The following EXOSC6 variants were observed in gnomAD, a reference collection of about 807,000 sequenced individuals.
EXOSC6 encodes the protein exosome component 6.
Under a neutral mutation model 16.7 loss-of-function variants are expected in EXOSC6, and 21 were observed. The ratio of observed to expected loss-of-function variants is 1.26; its 90% CI spans 0.89 to 1.82. EXOSC6 has a LOEUF of 1.82. Ranked by LOEUF, EXOSC6 falls within the 40% of genes most tolerant of loss-of-function variation. The pLI is 0.00. For missense variants in EXOSC6, 538 were observed against 415.7 expected, an observed-to-expected ratio of 1.29 and a Z score of -2.56; for synonymous variants, 297 against 217.1, an observed-to-expected ratio of 1.37 and a Z score of -3.24.
At position 70,251,173 on chromosome 16, in the gene EXOSC6, A is replaced by C. The variant is rs1047341591; in HGVS notation, c.728T>G (p.Leu243Arg). The change falls in exon 1 of 1, where the codon CTG becomes CGG. Residue 243 changes from leucine (L) to arginine (R), a missense_variant. Transcript: ENST00000435634. ...GAGGCGCTGGCAGCCCTCGAGGCCC[A>C]GGCGTACGGCCTCCGCCCAGCTCTC... ...LTESWAEAVR[L>R]GLEGCQRLYP... 14 of 1,528,512 alleles carry C rather than the reference A, an allele frequency of 9.2e-6. No homozygotes were observed. Among genetic ancestry groups the C allele is most frequent in the Non-Finnish European group, 1.2e-5 (14 of 1,147,268 alleles). 94.7% of individuals were successfully genotyped at this position (1,528,512 alleles called of 1,614,324 possible). A position where few individuals can be genotyped will look rare whatever the true frequency, so the allele number is the denominator to read the frequency against.
chr16:70,251,628 C>T lies in EXOSC6; in HGVS notation c.273G>A (p.Ala91=), dbSNP rs1426851419. The change falls in exon 1 of 1, where the codon GCG becomes GCA. Residue 91 remains alanine (A), a synonymous_variant. Coordinates refer to ENST00000435634, the MANE Select transcript of EXOSC6 (RefSeq NM_058219.3). ...PAGAGGEAPA[A]LRGRLLCDFR... is the part of the protein sequence containing the mutation. ...AGTCGCAGAGCAGGCGACCGCGCAG[C>T]GCGGCCGGGGCCTCGCCGCCTGCTC... The T allele has an allele frequency of 3.7e-6, 4 of 1,085,540 alleles. No homozygotes were observed. The highest frequency in any genetic ancestry group is 1.1e-4 in the Admixed American group (2 of 19,004). 67.2% of individuals were successfully genotyped at this position (1,085,540 alleles called of 1,614,324 possible).
rs1216309113 is a variant in EXOSC6 at position 70,251,797 on chromosome 16, C to T, written c.104G>A (p.Arg35Gln). The part of the protein sequence containing the change: ...EEAPGTRDPT[R>Q]LRPVYARAGL... ...GGCGCGCGCGTACACGGGCCGTAGCCGCGTTGGGTCGCGGGTGCCGGGCGC... is the reference window on the plus strand; with the variant it reads ...GGCGCGCGCGTACACGGGCCGTAGCTGCGTTGGGTCGCGGGTGCCGGGCGC... Residue 35 changes from arginine to glutamine, a missense_variant, in exon 1 of 1, where the codon CGG becomes CAG. Arg to Gln is a conservative substitution (Grantham distance 43). Coordinates refer to ENST00000435634, the MANE Select transcript of EXOSC6 (RefSeq NM_058219.3). 3 of 1,504,518 alleles carry T rather than the reference C, an allele frequency of 2.0e-6. No individual in the cohort carries two copies. The highest frequency in any genetic ancestry group is 1.4e-5 in the African/African-American group (1 of 69,244). The allele number at this position is 1,504,518 out of a possible 1,614,324, so 93.2% of individuals were successfully genotyped here.
Position 70,251,562 on chromosome 16 carries a change from G to C in EXOSC6, c.339C>G (p.Pro113=), listed in dbSNP as rs1959821395. 2 of 1,143,724 alleles carry C rather than the reference G, an allele frequency of 1.7e-6. No homozygotes were observed. The highest frequency in any genetic ancestry group is 3.3e-5 in the African/African-American group (2 of 60,876). 70.8% of individuals were successfully genotyped at this position (1,143,724 alleles called of 1,614,324 possible). ...GCTCACGCTCCTCGCAGCCGCCCGG[G>C]GGAGCGCGGCGCCGGCGGCCCGCGA... The part of the protein sequence containing the change: ...APFAGRRRRA[P]PGGCEERELA... The change falls in exon 1 of 1, where the codon CCC becomes CCG. Residue 113 remains proline, a synonymous_variant. Transcript: ENST00000435634.
At position 70,248,743 on chromosome 16, in the gene EXOSC6, T is replaced by C. The variant is rs1959741399; in HGVS notation, c.*2339A>G. The C allele has an allele frequency of 6.6e-6, 1 of 150,580 alleles. No individual in the cohort carries two copies. The highest frequency in any genetic ancestry group is 2.4e-5 in the African/African-American group (1 of 40,944). 9.3% of individuals were successfully genotyped at this position (150,580 alleles called of 1,614,324 possible). A position where few individuals can be genotyped will look rare whatever the true frequency, so the allele number is the denominator to read the frequency against. On this transcript the variant is annotated 3_prime_UTR_variant, in exon 1 of 1. Transcript: ENST00000435634. ...TCAAGTAGCTGGGACTACAGGTGCA[T>C]ACCACCATGCCTGACTTATTTTTTT...
In EXOSC6 at chr16:70,247,798, T is replaced by C. The variant is rs917542011; in HGVS notation, c.*3284A>G. On this transcript the variant is annotated 3_prime_UTR_variant, in exon 1 of 1. Transcript: ENST00000435634. ...GGCTGGGTGCAGTGGCTCACACCTG[T>C]AACCCCAGCACTTTGGGAGGACGAG... The C allele has an allele frequency of 7.9e-5, 12 of 152,238 alleles. No homozygotes were observed. The highest frequency in any genetic ancestry group is 2.9e-4 in the African/African-American group (12 of 41,450). The allele number at this position is 152,238 out of a possible 1,614,324, so 9.4% of individuals were successfully genotyped here.
In EXOSC6 at chr16:70,251,245, A is replaced by T; in HGVS notation, c.656T>A (p.Leu219Gln). Residue 219 changes from leucine (L) to glutamine (Q), a missense_variant, in exon 1 of 1, where the codon CTG becomes CAG. Physicochemically the swap from Leu to Gln is moderately radical, Grantham distance 113. Transcript: ENST00000435634. ...GCCCAGCAGCCCGGCCACCTGATTC[A>T]GCACAGGCATGAGCGCCACGGTGAG... ...AGLTVALMPV[L>Q]NQVAGLLGSG... 6.7e-7 allele frequency: 1 copy of T among 1,498,164 alleles called. No individual in the cohort carries two copies. The allele number at this position is 1,498,164 out of a possible 1,614,324, so 92.8% of individuals were successfully genotyped here. A position where few individuals can be genotyped will look rare whatever the true frequency, so the allele number is the denominator to read the frequency against.
In EXOSC6 at chr16:70,248,487, T is replaced by C. The variant is rs537086178; in HGVS notation, c.*2595A>G. ...ATTTTCACAAGAGCTGGGAAAATGT[T>C]CATAATTATGCATGCAGAATAAGCC... On this transcript the variant is annotated 3_prime_UTR_variant, in exon 1 of 1. Coordinates refer to ENST00000435634, the MANE Select transcript of EXOSC6 (RefSeq NM_058219.3). 11 of 152,304 alleles carry C rather than the reference T, an allele frequency of 7.2e-5. No homozygotes were observed. The highest frequency in any genetic ancestry group is 2.9e-5 in the Non-Finnish European group (2 of 68,018). 9.4% of individuals were successfully genotyped at this position (152,304 alleles called of 1,614,324 possible).
chr16:70,251,223 C>T lies in EXOSC6; in HGVS notation c.678G>A (p.Leu226=), dbSNP rs758712071. ...CTGTCAGGCCGCCCTCGCCGCTGCC[C>T]AGCAGCCCGGCCACCTGATTCAGCA... ...MPVLNQVAGL[L]GSGEGGLTES... is the part of the protein sequence containing the mutation. The change falls in exon 1 of 1, where the codon CTG becomes CTA. Residue 226 remains leucine (L), a synonymous_variant. Coordinates refer to ENST00000435634, the MANE Select transcript of EXOSC6 (RefSeq NM_058219.3). The T allele has an allele frequency of 4.3e-5, 65 of 1,507,300 alleles. No individual in the cohort carries two copies. The Middle Eastern group carries it at 9.4e-4, about 22-fold the overall frequency. The allele number at this position is 1,507,300 out of a possible 1,614,324, so 93.4% of individuals were successfully genotyped here.
At position 70,250,814 on chromosome 16, in the gene EXOSC6, T is replaced by G; in HGVS notation, c.*268A>C. On this transcript the variant is annotated 3_prime_UTR_variant, in exon 1 of 1. Transcript: ENST00000435634. ...TTTGAGACTGCAGAAAGAAACCCTG[T>G]CTCTAAAAAAAAGGTCCAGGTAATT... The G allele has an allele frequency of 2.6e-6, 1 of 388,184 alleles. No individual in the cohort carries two copies. The highest frequency in any genetic ancestry group is 4.5e-6 in the Non-Finnish European group (1 of 220,464). 24.0% of individuals were successfully genotyped at this position (388,184 alleles called of 1,614,324 possible). A position where few individuals can be genotyped will look rare whatever the true frequency, so the allele number is the denominator to read the frequency against.
In EXOSC6 at chr16:70,248,252, C is replaced by T. The variant is rs970674567; in HGVS notation, c.*2830G>A. The T allele has an allele frequency of 6.6e-6, 1 of 151,990 alleles. No homozygotes were observed. Among genetic ancestry groups the T allele is most frequent in the African/African-American group, 2.4e-5 (1 of 41,380 alleles). The allele number at this position is 151,990 out of a possible 1,614,324, so 9.4% of individuals were successfully genotyped here. On this transcript the variant is annotated 3_prime_UTR_variant, in exon 1 of 1. Coordinates refer to ENST00000435634, the MANE Select transcript of EXOSC6 (RefSeq NM_058219.3). ...TATTCTTGTTATACAGAAGAAAAAC[C>T]TTATTCTTGGGAGATGCAAACTAAA...
At position 70,248,064 on chromosome 16, in the gene EXOSC6, G is replaced by C. The variant is rs1173825248; in HGVS notation, c.*3018C>G. 3 of 151,896 alleles carry C rather than the reference G, an allele frequency of 2.0e-5. No individual in the cohort carries two copies. Among genetic ancestry groups the C allele is most frequent in the Non-Finnish European group, 4.4e-5 (3 of 67,980 alleles). 9.4% of individuals were successfully genotyped at this position (151,896 alleles called of 1,614,324 possible). A position where few individuals can be genotyped will look rare whatever the true frequency, so the allele number is the denominator to read the frequency against. ...AGCAAGATTTCGTCTCAAAAAAAAA[G>C]AGAAAAAGAAAACCATTATTTTGCA... On this transcript the variant is annotated 3_prime_UTR_variant, in exon 1 of 1. Coordinates refer to ENST00000435634, the MANE Select transcript of EXOSC6 (RefSeq NM_058219.3).
rs1959795837 is a variant in EXOSC6, at chr16:70,250,796, C to T, written c.*286G>A. 2.8e-6 allele frequency: 1 copy of T among 352,982 alleles called. No individual in the cohort carries two copies. Among genetic ancestry groups the T allele is most frequent in the East Asian group, 4.4e-5 (1 of 22,864 alleles). 21.9% of individuals were successfully genotyped at this position (352,982 alleles called of 1,614,324 possible). A position where few individuals can be genotyped will look rare whatever the true frequency, so the allele number is the denominator to read the frequency against. On this transcript the variant is annotated 3_prime_UTR_variant, in exon 1 of 1. Transcript: ENST00000435634. ...ATCAATCAAGGCTAGGAGTTTGAGACTGCAGAAAGAAACCCTGTCTCTAAA... is the reference window on the plus strand; with the variant it reads ...ATCAATCAAGGCTAGGAGTTTGAGATTGCAGAAAGAAACCCTGTCTCTAAA...
rs975612594 is a variant in EXOSC6 at position 70,251,720 on chromosome 16, T to C, written c.181A>G (p.Lys61Glu). 9 of 1,390,516 alleles carry C rather than the reference T, an allele frequency of 6.5e-6. No homozygotes were observed. The Admixed American group carries it at 2.6e-4, about 40-fold the overall frequency. The allele number at this position is 1,390,516 out of a possible 1,614,324, so 86.1% of individuals were successfully genotyped here. ...GSAYLEAGGTKVLCAVSGPRQ... is the reference protein window; with the variant it reads ...GSAYLEAGGTEVLCAVSGPRQ... ...GGGCCCGACACGGCACACAGCACCT[T>C]GGTGCCTCCCGCCTCCAGGTAGGCC... is the stretch of plus-strand genomic sequence containing the variant. The change falls in exon 1 of 1, where the codon AAG (lysine) becomes GAG (glutamate). Residue 61 changes from lysine to glutamate, a missense_variant. Transcript: ENST00000435634.
At position 70,251,916 on chromosome 16, in the gene EXOSC6, G is replaced by GCGAA; in HGVS notation, c.-20_-17dup. 1 of 1,498,106 alleles carries GCGAA rather than the reference G, an allele frequency of 6.7e-7. No individual in the cohort carries two copies. Among genetic ancestry groups the GCGAA allele is most frequent in the South Asian group, 1.2e-5 (1 of 80,502 alleles). The allele number at this position is 1,498,106 out of a possible 1,614,324, so 92.8% of individuals were successfully genotyped here. A position where few individuals can be genotyped will look rare whatever the true frequency, so the allele number is the denominator to read the frequency against. On this transcript the variant is annotated 5_prime_UTR_variant, in exon 1 of 1. Coordinates refer to ENST00000435634, the MANE Select transcript of EXOSC6 (RefSeq NM_058219.3). The stretch of plus-strand genomic sequence containing the variant: ...CCCCAGGCATGGCGGTTCTTGGCGT[G>GCGAA]CGAACCCCTTCCGCCCAACGCCCTG...
In EXOSC6 at chr16:70,251,097, GGCGCCCCTGCGGCGGGCGGCCC is replaced by G; in HGVS notation, c.782_803del (p.Arg261ProfsTer10). 6.7e-7 allele frequency: 1 copy of G among 1,483,938 alleles called. No homozygotes were observed. Among genetic ancestry groups the G allele is most frequent in the Non-Finnish European group, 8.8e-7 (1 of 1,130,688 alleles). 91.9% of individuals were successfully genotyped at this position (1,483,938 alleles called of 1,614,324 possible). A position where few individuals can be genotyped will look rare whatever the true frequency, so the allele number is the denominator to read the frequency against. ...GGCTTCTGGTTCAGGGCTGGGCGGC[GGCGCCCCTGCGGCGGGCGGCCC>G]GCACCAGGCTCTGCTGCAGCACGGG... On this transcript the variant is annotated frameshift_variant, in exon 1 of 1. Coordinates refer to ENST00000435634, the MANE Select transcript of EXOSC6 (RefSeq NM_058219.3). LOFTEE classifies it high-confidence loss of function.
chr16:70,251,008 G>A lies in EXOSC6; in HGVS notation c.*74C>T, dbSNP rs1202710044. On this transcript the variant is annotated 3_prime_UTR_variant, in exon 1 of 1. Transcript: ENST00000435634. ...GAATTCTCGACGCAAACTGGAGGCC[G>A]ATGGCGCGGGTCTTTTCGTGGACGG... 8.5e-6 allele frequency: 12 copies of A among 1,416,422 alleles called. No homozygotes were observed. The highest frequency in any genetic ancestry group is 3.0e-5 in the African/African-American group (2 of 66,756). 87.7% of individuals were successfully genotyped at this position (1,416,422 alleles called of 1,614,324 possible).
In EXOSC6 at chr16:70,251,882, G is replaced by C. The variant is rs753994231; in HGVS notation, c.19C>G (p.Arg7Gly). MPGDHR[R>G]IRGPEESQPP... ...TGCGATTCTTCAGGGCCGCGGATGC[G>C]GCGGTGATCCCCAGGCATGGCGGTT... is the stretch of plus-strand genomic sequence containing the variant. Residue 7 changes from arginine (R) to glycine (G), a missense_variant, in exon 1 of 1, where the codon CGC (arginine) becomes GGC (glycine). Arg to Gly is a moderately radical substitution (Grantham distance 125). Transcript: ENST00000435634. The C allele has an allele frequency of 5.0e-5, 77 of 1,546,504 alleles. No individual in the cohort carries two copies. In the East Asian group the frequency reaches 2.0e-3, roughly 40 times the overall value.
At position 70,249,032 on chromosome 16, in the gene EXOSC6, A is replaced by C. The variant is rs1192210165; in HGVS notation, c.*2050T>G. ...AAAACTGTAAAAAAAAAAAAAAAAA[A>C]CCCTAATATCAGATATTCCAGACAC... is the stretch of plus-strand genomic sequence containing the variant. On this transcript the variant is annotated 3_prime_UTR_variant, in exon 1 of 1. Coordinates refer to ENST00000435634, the MANE Select transcript of EXOSC6 (RefSeq NM_058219.3). The C allele has an allele frequency of 4.1e-5, 6 of 146,876 alleles. No homozygotes were observed. Among genetic ancestry groups the C allele is most frequent in the South Asian group, 2.1e-4 (1 of 4,654 alleles). The allele number at this position is 146,876 out of a possible 1,614,324, so 9.1% of individuals were successfully genotyped here. A position where few individuals can be genotyped will look rare whatever the true frequency, so the allele number is the denominator to read the frequency against.
At position 70,249,690 on chromosome 16, in the gene EXOSC6, A is replaced by G. The variant is rs1185160874; in HGVS notation, c.*1392T>C. 1 of 152,054 alleles carries G rather than the reference A, an allele frequency of 6.6e-6. No individual in the cohort carries two copies. The highest frequency in any genetic ancestry group is 1.5e-5 in the Non-Finnish European group (1 of 68,014). The allele number at this position is 152,054 out of a possible 1,614,324, so 9.4% of individuals were successfully genotyped here. On this transcript the variant is annotated 3_prime_UTR_variant, in exon 1 of 1. Coordinates refer to ENST00000435634, the MANE Select transcript of EXOSC6 (RefSeq NM_058219.3). Reference sequence around the variant, plus strand: ...AAAAACATTTACTAAAAACCAGAGGAAAAAAATCTTATAACTTTGGGAGGC... The same window carrying G: ...AAAAACATTTACTAAAAACCAGAGGGAAAAAATCTTATAACTTTGGGAGGC...
Sources: gnomAD v4.1 joint callset for allele counts on GRCh38, gnomAD v4.1.1 for gene constraint, MANE v1.5 for transcripts, NCBI Gene and HGNC (gene_info 2026-07-23, HGNC 2026-07-21) for gene names.